STT3B: variants seen among roughly 807,000 people sequenced by gnomAD.
STT3B encodes the protein dolichyl-diphosphooligosaccharide--protein glycosyltransferase subunit STT3B.
In STT3B, 29 loss-of-function variants were observed where a neutral mutation model predicts 96.8. The ratio of observed to expected loss-of-function variants is 0.30; its 90% CI spans 0.22 to 0.41. The LOEUF (loss-of-function observed/expected upper bound fraction) is 0.41. Among genes scored for constraint, STT3B ranks in the 10% least tolerant of loss-of-function variants. The pLI is 1.00. For missense variants in STT3B, 640 were observed against 1,022.3 expected, an observed-to-expected ratio of 0.63 and a Z score of 5.10; for synonymous variants, 367 against 360.0, an observed-to-expected ratio of 1.02 and a Z score of -0.22.
At chr3:31,600,226 G>T (rs1698899625) in intron 4 of STT3B, 134 bp from the exon 5 acceptor site, 1 of 422,010 alleles carries the variant, frequency 2.4e-6, no homozygotes, top group African/African-American at 2.0e-5. Flanking sequence ...AGGTTAGTAA[G>T]TTCTTATTTA....
intron 5 of STT3B, among the ~76,000 whole-genome samples, chr3:31,610,416 CTTTA>C (rs1449757224): frequency 1.3e-5 from 2 of 152,128 alleles, no homozygotes; most frequent in East Asian, 1.9e-4. Flanking sequence ...CCTTTTCTAA[CTTTA>C]TTTACATAAA....
chr3:31,547,579 G>T (rs1697447262), intron 1 of STT3B, among the ~76,000 whole-genome samples: 1 of 152,310 alleles, frequency 6.6e-6, no homozygotes, highest in East Asian at 1.9e-4. Context: ...CCTGGAGGCG[G>T]AAGTTGCAGT....
intron 5 of STT3B, among the ~76,000 whole-genome samples, chr3:31,613,677 T>C (rs1019547042): frequency 3.4e-5 from 5 of 145,438 alleles, no homozygotes; most frequent in Admixed American, 6.9e-5. Flanking sequence ...CTTTTTTTTT[T>C]CTCTCTCTTT....
At chr3:31,624,236 G>A (rs147934739) in intron 11 of STT3B, among the ~76,000 whole-genome samples, 3 of 151,912 alleles carry the variant, frequency 2.0e-5, no homozygotes, top group African/African-American at 4.8e-5. Context: ...ACTCTCCCCC[G>A]CCCCTGCCAG....
rs374058033 is a variant in STT3B at position 31,533,121 on chromosome 3, G to A, written c.123G>A (p.Ala41=). 65 of 1,332,850 alleles carry A rather than the reference G, an allele frequency of 4.9e-5. No homozygotes were observed. Among genetic ancestry groups the A allele is most frequent in the Non-Finnish European group, 6.1e-5 (64 of 1,042,206 alleles). 82.6% of individuals were successfully genotyped at this position (1,332,850 alleles called of 1,614,324 possible). A position where few individuals can be genotyped will look rare whatever the true frequency, so the allele number is the denominator to read the frequency against. ...HGHHGPGAQC[A]HKAAGGAAPP... ...ACCACGGGCCCGGGGCCCAGTGCGC[G>A]CACAAGGCGGCGGGCGGCGCGGCGC... The change falls in exon 1 of 16, where the codon GCG becomes GCA. Residue 41 remains alanine, a synonymous_variant. Transcript: ENST00000295770.
chr3:31,605,774 A>T (rs1316270829), intron 5 of STT3B, among the ~76,000 whole-genome samples: 2 of 152,232 alleles, frequency 1.3e-5, no homozygotes, highest in Non-Finnish European at 2.9e-5. Context: ...AGATACCCGA[A>T]AATGTGGAAG....
At chr3:31,584,538 T>C (rs749152817) in intron 3 of STT3B, among the ~76,000 whole-genome samples, 9 of 152,198 alleles carry the variant, frequency 5.9e-5, no homozygotes, top group Non-Finnish European at 1.3e-4. Flanking sequence ...TGCTGTTTTA[T>C]GTGTTGATTA....
At chr3:31,552,128 A>G (rs1261369325) in intron 1 of STT3B, among the ~76,000 whole-genome samples, 1 of 152,232 alleles carries the variant, frequency 6.6e-6, no homozygotes, top group Non-Finnish European at 1.5e-5. Context: ...CCATGAAGCT[A>G]TGATAGAATT....
At chr3:31,623,299 G>T (rs1188612899) in intron 10 of STT3B, among the ~76,000 whole-genome samples, 2 of 152,128 alleles carry the variant, frequency 1.3e-5, no homozygotes, top group Non-Finnish European at 2.9e-5. Context: ...GCTGAGCATT[G>T]CCATTTTCAG....
intron 12 of STT3B, among the ~76,000 whole-genome samples, chr3:31,625,658 G>T (rs954828086): frequency 6.6e-6 from 1 of 152,198 alleles, no homozygotes; most frequent in African/African-American, 2.4e-5. Flanking sequence ...GCGGTTGTGA[G>T]AAGTTGTTTT....
intron 5 of STT3B, among the ~76,000 whole-genome samples, chr3:31,604,726 C>A (rs371853605): frequency 2.6e-4 from 39 of 152,234 alleles, no homozygotes; most frequent in African/African-American, 9.4e-4. Context: ...TAACCATGTT[C>A]TTTTAAAAGT....
intron 15 of STT3B, 173 bp downstream of exon 15, chr3:31,633,320 T>G (rs1050070524): frequency 1.6e-6 from 1 of 641,416 alleles, no homozygotes; most frequent in East Asian, 2.9e-5. Flanking sequence ...CCTTTCAAAC[T>G]GAGCACTTCA....
At chr3:31,548,252 A>G (rs1697463078) in intron 1 of STT3B, among the ~76,000 whole-genome samples, 1 of 152,172 alleles carries the variant, frequency 6.6e-6, no homozygotes, top group Non-Finnish European at 1.5e-5. Context: ...ACTGTGATAA[A>G]GTATAAGTGT....
intron 1 of STT3B, among the ~76,000 whole-genome samples, chr3:31,545,045 G>A (rs1321852463): frequency 6.6e-6 from 1 of 152,096 alleles, no homozygotes; most frequent in Non-Finnish European, 1.5e-5. Context: ...CTAGACCATC[G>A]CTAAAGAAGG....
chr3:31,611,543 A>G (rs888046540), intron 5 of STT3B, among the ~76,000 whole-genome samples: 2 of 152,206 alleles, frequency 1.3e-5, no homozygotes, highest in African/African-American at 2.4e-5. Flanking sequence ...TTTGTTGCCC[A>G]GGCTGGAGTG....
At chr3:31,535,406 G>A (rs1697064573) in intron 1 of STT3B, among the ~76,000 whole-genome samples, 1 of 151,534 alleles carries the variant, frequency 6.6e-6, no homozygotes, top group Admixed American at 6.6e-5. Context: ...TGGTTGGAGG[G>A]CATAATTCTT....
At chr3:31,572,036 A>G (rs1559370288) in intron 1 of STT3B, among the ~76,000 whole-genome samples, 1 of 45,702 alleles carries the variant, frequency 2.2e-5, no homozygotes, top group East Asian at 4.4e-4. Context: ...ATATTAATAT[A>G]TGATATATTA....
chr3:31,581,152 A>C (rs1698375431), intron 3 of STT3B, among the ~76,000 whole-genome samples: 1 of 152,264 alleles, frequency 6.6e-6, no homozygotes, highest in Admixed American at 6.5e-5. Context: ...TATGTCTGTT[A>C]ATAGCAGTTT....
At chr3:31,556,477 C>A (rs866626515) in intron 1 of STT3B, among the ~76,000 whole-genome samples, 2 of 152,174 alleles carry the variant, frequency 1.3e-5, no homozygotes, top group Admixed American at 6.5e-5. Flanking sequence ...GAAATCTCCA[C>A]ACTCTTTTCC....
Sources: allele counts gnomAD v4.1 joint callset (sites outside exome capture counted in the v4.1 genomes callset), GRCh38; gene constraint gnomAD v4.1.1; transcripts MANE v1.5; gene names NCBI Gene and HGNC (gene_info 2026-07-23, HGNC 2026-07-21).